Variants in CFAP46 observed in about 807,000 individuals in gnomAD.
CFAP46 encodes cilia- and flagella-associated protein 46.
Under a neutral mutation model 325.7 loss-of-function variants are expected in CFAP46, and 245 were observed. That is an observed-to-expected ratio of 0.75 (90% CI 0.68 to 0.84). The LOEUF (loss-of-function observed/expected upper bound fraction) is 0.84. Ranked by LOEUF, CFAP46 falls within the 40% of genes least tolerant of loss-of-function variation. The pLI, the probability that CFAP46 is intolerant of heterozygous loss-of-function variation, is 0.00. For missense variants in CFAP46, 3,346 were observed against 3,543.0 expected (o/e 0.94, Z 1.41); for synonymous variants, 1,523 against 1,495.9 (o/e 1.02, Z -0.42).
chr10:132,822,732 G>C (rs1847896212), intron 50 of CFAP46, among the ~76,000 whole-genome samples: 1 of 141,756 alleles, frequency 7.1e-6, no homozygotes, highest in Non-Finnish European at 1.5e-5. Context: ...TGTGTGCTGT[G>C]TGTGCAGTGA....
At chr10:132,851,558 G>A (rs1156707152) in intron 39 of CFAP46, among the ~76,000 whole-genome samples, 1 of 152,166 alleles carries the variant, frequency 6.6e-6, no homozygotes, top group African/African-American at 2.4e-5. Context: ...CTAGCTGCCT[G>A]CCGGCACCCT....
chr10:132,941,588 C>T lies in CFAP46; in HGVS notation c.306+3G>A, dbSNP rs1341205576. 1 of 1,612,062 alleles carries T rather than the reference C, an allele frequency of 6.2e-7. No homozygotes were observed. The highest frequency in any genetic ancestry group is 1.3e-5 in the African/African-American group (1 of 74,908). On this transcript the variant is annotated splice_donor_region_variant and intron_variant, in intron 3 of 57. Transcript: ENST00000368586. ...GGGATAAGGGGCACAGGACGCCTCTCACCAGGTTTTCTGCCGACTTCGGGG... is the reference window on the plus strand; with the variant it reads ...GGGATAAGGGGCACAGGACGCCTCTTACCAGGTTTTCTGCCGACTTCGGGG...
At chr10:132,938,943 C>T (rs1337096391) in intron 4 of CFAP46, among the ~76,000 whole-genome samples, 190 bp from the exon 5 acceptor site, 1 of 152,172 alleles carries the variant, frequency 6.6e-6, no homozygotes, top group Non-Finnish European at 1.5e-5. Flanking sequence ...AGAGCCCTTC[C>T]CTGGGACAGC....
intron 50 of CFAP46, among the ~76,000 whole-genome samples, chr10:132,824,143 A>G (rs1334168319): frequency 1.1e-5 from 1 of 90,814 alleles, no homozygotes. Context: ...GTGTGTGCTG[A>G]TGTGTGCTGT....
rs935815512 is a variant in CFAP46, at chr10:132,817,803, G to A, written c.7118-2889C>T. 6.6e-6 allele frequency among the ~76,000 whole-genome samples: 1 copy of A among 152,248 alleles called. No individual in the cohort carries two copies. Among genetic ancestry groups the A allele is most frequent in the African/African-American group, 2.4e-5 (1 of 41,466 alleles). ...TTACTACAAAACGCAGGCTTGATGTGGCACTGCTTCCTGTCTGACGGTTCT... is the reference window on the plus strand; with the variant it reads ...TTACTACAAAACGCAGGCTTGATGTAGCACTGCTTCCTGTCTGACGGTTCT... On this transcript the variant is annotated intron_variant, in intron 50 of 57. Transcript: ENST00000368586. The surrounding 1 kb of genome is among the most constrained non-coding windows in gnomAD (Gnocchi z 4.4).
At chr10:132,906,493 G>A (rs1329144857) in intron 22 of CFAP46, among the ~76,000 whole-genome samples, 1 of 149,022 alleles carries the variant, frequency 6.7e-6, no homozygotes, top group African/African-American at 2.5e-5. Context: ...AAGAGTGAAC[G>A]GGGTCCTGGC....
At chr10:132,920,028 T>C in intron 14 of CFAP46, 31 bp downstream of exon 14, 3 of 1,507,904 alleles carry the variant, frequency 2.0e-6, no homozygotes, top group Non-Finnish European at 2.7e-6. Context: ...GGCTGAGCTG[T>C]GCGTGGCGCT....
intron 25 of CFAP46, among the ~76,000 whole-genome samples, chr10:132,888,205 C>T (rs1013700793): frequency 4.2e-4 from 64 of 151,824 alleles, no homozygotes; most frequent in African/African-American, 1.6e-3. Context: ...CCAATGCGGG[C>T]TCCACCCCGT....
At chr10:132,823,822 T>C (rs1347630512) in intron 50 of CFAP46, among the ~76,000 whole-genome samples, 5 of 131,798 alleles carry the variant, frequency 3.8e-5, no homozygotes, top group East Asian at 2.5e-4. Context: ...GCTGTGTGAG[T>C]GCTGATGTGT....
intron 50 of CFAP46, among the ~76,000 whole-genome samples, chr10:132,826,565 C>G (rs1197056546): frequency 2.4e-5 from 3 of 127,170 alleles, no homozygotes; most frequent in Admixed American, 7.6e-5. Context: ...GCCGGAGCCA[C>G]AGAGACCAGC....
rs139190527 is a variant in CFAP46, at chr10:132,886,996, TTCTC to T, written c.3305-1041_3305-1038del. ...AAGGATCTGTCTTCTCTCTTTTCTC[TTCTC>T]TCTCTCTCGCCTCTCTCTCTGCTCT... On this transcript the variant is annotated intron_variant, in intron 25 of 57. Transcript: ENST00000368586. This position sits in a 1 kb window ranked among gnomAD's most constrained non-coding sequence, Gnocchi z 5.8. 1.3e-5 allele frequency among the ~76,000 whole-genome samples: 2 copies of T among 151,874 alleles called. No individual in the cohort carries two copies. The highest frequency in any genetic ancestry group is 2.1e-4 in the South Asian group (1 of 4,794).
In CFAP46 at chr10:132,884,249, G is replaced by C. The variant is rs60243789; in HGVS notation, c.3627+854C>G. 8.9e-3 allele frequency among the ~76,000 whole-genome samples: 1,353 copies of C among 152,256 alleles called. 17 individuals carry two copies. Among genetic ancestry groups the C allele is most frequent in the African/African-American group, 0.031 (1,277 of 41,538 alleles). ...TGGTTCCCCGGAGCGAGGAGCAGTG[G>C]CTCCCTGTGGCTCCCCACGGTGGTA... On this transcript the variant is annotated intron_variant, in intron 27 of 57. Transcript: ENST00000368586. This position sits in a 1 kb window ranked among gnomAD's most constrained non-coding sequence, Gnocchi z 5.4.
Position 132,922,624 on chromosome 10 carries a change from C to A in CFAP46, c.1341G>T (p.Glu447Asp), listed in dbSNP as rs945333133. The A allele has an allele frequency of 3.9e-6, 6 of 1,549,748 alleles. No individual in the cohort carries two copies. The highest frequency in any genetic ancestry group is 4.4e-6 in the Non-Finnish European group (5 of 1,146,854). ...EDEDRLEPAT[E>D]HLRKAARLDS... Reference sequence around the variant, plus strand: ...CCAGGCGCGCGGCTTTCCGGAGGTGCTCCGTGGCGGGCTCCAGCCGGTCCT... The same window carrying A: ...CCAGGCGCGCGGCTTTCCGGAGGTGATCCGTGGCGGGCTCCAGCCGGTCCT... The change falls in exon 12 of 58, where the codon GAG (glutamate) becomes GAT (aspartate). Residue 447 changes from glutamate to aspartate, a missense_variant. Coordinates refer to ENST00000368586, the MANE Select transcript of CFAP46 (RefSeq NM_001200049.3).
At chr10:132,812,143 G>A (rs548533707) in intron 55 of CFAP46, among the ~76,000 whole-genome samples, 141 of 152,354 alleles carry the variant, frequency 9.3e-4, no homozygotes, top group Non-Finnish European at 1.7e-3. Flanking sequence ...CGGTGTCCGA[G>A]TGGCTGCGCC....
Position 132,850,343 on chromosome 10 carries a change from G to T in CFAP46, c.5853C>A (p.Ile1951=). The change falls in exon 41 of 58, where the codon ATC becomes ATA. Residue 1951 remains isoleucine (I), a synonymous_variant. Transcript: ENST00000368586. ...CGGCCAGGCCCAGGAGCCGGGCGCG[G>T]ATCTCCACACAGCCCACGCTCAGCG... ...LQPLSVGCVE[I]RARLLGLAGR... 3.2e-6 allele frequency: 5 copies of T among 1,558,430 alleles called. No homozygotes were observed. Among genetic ancestry groups the T allele is most frequent in the African/African-American group, 2.7e-5 (2 of 73,536 alleles).
At chr10:132,878,950 A>G (rs1848997405) in intron 29 of CFAP46, among the ~76,000 whole-genome samples, 1 of 152,156 alleles carries the variant, frequency 6.6e-6, no homozygotes, top group Non-Finnish European at 1.5e-5. Context: ...TAGGAGGAGC[A>G]GGACAAGGAG....
In CFAP46 at chr10:132,876,930, T is replaced by C. The variant is rs1311611241; in HGVS notation, c.4244A>G (p.Glu1415Gly). The stretch of plus-strand genomic sequence containing the variant: ...CTCTTCTATGCTCATGGGTAAGTCT[T>C]CCAGTTGTTTGATAGGAGCTGGGCT... ...SQSPAPIKQL[E>G]DLPMSIEEWA... The change falls in exon 31 of 58, where the codon GAA becomes GGA. Residue 1415 changes from glutamate (E) to glycine (G), a missense_variant. Transcript: ENST00000368586. This position sits in a 1 kb window ranked among gnomAD's most constrained non-coding sequence, Gnocchi z 4.1. The C allele has an allele frequency of 6.5e-7, 1 of 1,550,362 alleles. No individual in the cohort carries two copies. Among genetic ancestry groups the C allele is most frequent in the Non-Finnish European group, 8.7e-7 (1 of 1,146,970 alleles).
rs777428762 is a variant in CFAP46 at position 132,832,786 on chromosome 10, C to T, written c.7117+572G>A. On this transcript the variant is annotated intron_variant, in intron 50 of 57. Coordinates refer to ENST00000368586, the MANE Select transcript of CFAP46 (RefSeq NM_001200049.3). The surrounding 1 kb of genome is among the most constrained non-coding windows in gnomAD (Gnocchi z 4.1). ...GAGGTCAGGGCCTTCCGCGCGCTCC[C>T]TCGTGCTTTTCACTGTCTGAGTGAT... 3.8e-5 allele frequency: 18 copies of T among 471,170 alleles called. No homozygotes were observed. The highest frequency in any genetic ancestry group is 2.3e-5 in the Admixed American group (1 of 42,560). 29.2% of individuals were successfully genotyped at this position (471,170 alleles called of 1,614,324 possible).
chr10:132,829,763 C>T (rs1393675886), intron 50 of CFAP46, among the ~76,000 whole-genome samples: 1 of 152,256 alleles, frequency 6.6e-6, no homozygotes, highest in Non-Finnish European at 1.5e-5. Flanking sequence ...TGCTTTTCTG[C>T]ATCTATTGCA....
Sources: gnomAD v4.1 joint callset for allele counts (sites outside exome capture counted in the v4.1 genomes callset) on GRCh38, gnomAD v4.1.1 for gene constraint, Gnocchi (gnomAD v3.1) non-coding constraint, MANE v1.5 for transcripts, NCBI Gene and HGNC (gene_info 2026-07-23, HGNC 2026-07-21) for gene names.